Variants in ADAMTS17 observed in about 807,000 individuals in gnomAD.
ADAMTS17 encodes the protein ADAM metallopeptidase with thrombospondin type 1 motif 17, also known as A disintegrin and metalloproteinase with thrombospondin motifs 17.
ADAMTS17 carries 113 observed loss-of-function variants against 141.5 expected under a neutral mutation model. That is an observed-to-expected ratio of 0.80 (90% CI 0.69 to 0.93). The LOEUF (loss-of-function observed/expected upper bound fraction) is 0.93, where lower values mean the gene tolerates loss of function less well. Ranked by LOEUF, ADAMTS17 falls within the 40% of genes least tolerant of loss-of-function variation. ADAMTS17 has a pLI of 0.00. For missense variants in ADAMTS17, 1,659 were observed against 1,517.9 expected (o/e 1.09, Z -1.54); for synonymous variants, 768 against 630.6 (o/e 1.22, Z -3.27).
At chr15:100,281,785 G>A (rs527782971) in intron 3 of ADAMTS17, among the ~76,000 whole-genome samples, 22 of 152,318 alleles carry the variant, frequency 1.4e-4, no homozygotes, top group African/African-American at 5.1e-4. Context: ...CACACCCAAG[G>A]TGGATAACTG....
chr15:100,101,443 G>C lies in ADAMTS17; in HGVS notation c.2017-4967C>G, dbSNP rs138674171. Among the ~76,000 whole-genome samples, 40 of 152,324 alleles carry C rather than the reference G, an allele frequency of 2.6e-4. No homozygotes were observed. The East Asian group carries it at 7.5e-3, about 29-fold the overall frequency. On this transcript the variant is annotated intron_variant, in intron 14 of 21. Transcript: ENST00000268070. ...TGTGATCAACAAATACCTGATGCAG[G>C]AATAAACGAAATTCCACCCTATGGG...
chr15:100,124,732 A>C (rs1377517582), intron 12 of ADAMTS17, among the ~76,000 whole-genome samples: 2 of 147,100 alleles, frequency 1.4e-5, no homozygotes, highest in Non-Finnish European at 3.0e-5. Context: ...GTTTAAAAAT[A>C]AGCAAAAGAG....
At chr15:99,988,915 T>C (rs1399102886) in intron 20 of ADAMTS17, among the ~76,000 whole-genome samples, 1 of 152,210 alleles carries the variant, frequency 6.6e-6, no homozygotes, top group African/African-American at 2.4e-5. Flanking sequence ...TTCCCATTCA[T>C]GTTTTGGTTG....
At chr15:100,137,576 C>G (rs2038400091) in intron 10 of ADAMTS17, among the ~76,000 whole-genome samples, 1 of 152,142 alleles carries the variant, frequency 6.6e-6, no homozygotes, top group African/African-American at 2.4e-5. Context: ...GAATAGCAGA[C>G]TTTGTGGCAG....
In ADAMTS17 at chr15:99,971,640, A is replaced by T. The variant is rs773361337; in HGVS notation, c.*2762T>A. On this transcript the variant is annotated 3_prime_UTR_variant, in exon 22 of 22. Transcript: ENST00000268070. ...AACGAATGGAAAATAGATACATTTG[A>T]CTCTGAAACGAAAAAAGGACAATCG... The T allele has an allele frequency of 1.3e-5, 2 of 152,116 alleles. No homozygotes were observed. Among genetic ancestry groups the T allele is most frequent in the African/African-American group, 2.4e-5 (1 of 41,416 alleles). 9.4% of individuals were successfully genotyped at this position (152,116 alleles called of 1,614,324 possible). A position where few individuals can be genotyped will look rare whatever the true frequency, so the allele number is the denominator to read the frequency against.
chr15:100,257,891 AC>A (rs1268342811), intron 6 of ADAMTS17, among the ~76,000 whole-genome samples: 1 of 152,162 alleles, frequency 6.6e-6, no homozygotes, highest in Non-Finnish European at 1.5e-5. Flanking sequence ...GAAACTCTGT[AC>A]CCATGAAATA....
At chr15:100,294,153 G>A (rs753688948) in intron 3 of ADAMTS17, among the ~76,000 whole-genome samples, 29 of 152,258 alleles carry the variant, frequency 1.9e-4, no homozygotes, top group Non-Finnish European at 4.1e-4. Flanking sequence ...CATGCCACTC[G>A]TCTTATTTCT....
chr15:100,033,790 T>C (rs2030426892), intron 18 of ADAMTS17, among the ~76,000 whole-genome samples: 1 of 152,228 alleles, frequency 6.6e-6, no homozygotes. Flanking sequence ...TTTTGGGAGC[T>C]ACTCCACATT....
At chr15:100,137,294 C>G (rs2038384153) in intron 10 of ADAMTS17, among the ~76,000 whole-genome samples, 1 of 152,168 alleles carries the variant, frequency 6.6e-6, no homozygotes, top group South Asian at 2.1e-4. Flanking sequence ...AGAAGGTGCA[C>G]TGGGGTGGGA....
chr15:100,073,644 T>C (rs1170026435), intron 15 of ADAMTS17, among the ~76,000 whole-genome samples: 2 of 151,640 alleles, frequency 1.3e-5, no homozygotes, highest in African/African-American at 4.9e-5. Flanking sequence ...ACCATCATTC[T>C]CAACAAACTA....
chr15:100,203,545 A>T (rs896492041), intron 7 of ADAMTS17, among the ~76,000 whole-genome samples: 2 of 152,172 alleles, frequency 1.3e-5, no homozygotes, highest in African/African-American at 4.8e-5. Flanking sequence ...CTCTACTAAA[A>T]ATACAAAAAA....
chr15:100,200,564 C>T (rs938303828), intron 7 of ADAMTS17, among the ~76,000 whole-genome samples: 4 of 152,184 alleles, frequency 2.6e-5, no homozygotes, highest in Non-Finnish European at 4.4e-5. Context: ...CGTTTAACCC[C>T]GAAGGCAGTT....
chr15:100,319,063 G>T (rs2045650118), intron 3 of ADAMTS17, among the ~76,000 whole-genome samples: 1 of 152,266 alleles, frequency 6.6e-6, no homozygotes, highest in African/African-American at 2.4e-5. Flanking sequence ...ACTTGTGGAA[G>T]AGCCCTGGGG....
chr15:100,004,130 G>A (rs60495307), intron 18 of ADAMTS17, among the ~76,000 whole-genome samples: 2 of 152,256 alleles, frequency 1.3e-5, no homozygotes, highest in Non-Finnish European at 2.9e-5. Flanking sequence ...GCAGGCAGCC[G>A]AAGGGGAGAG....
chr15:99,980,950 T>G (rs1480513461), intron 20 of ADAMTS17, among the ~76,000 whole-genome samples: 2 of 152,214 alleles, frequency 1.3e-5, no homozygotes, highest in African/African-American at 4.8e-5. Flanking sequence ...TGCCTGCTCT[T>G]CCCAGTGGAC....
intron 7 of ADAMTS17, among the ~76,000 whole-genome samples, chr15:100,229,158 C>T (rs557845764): frequency 6.6e-6 from 1 of 152,280 alleles, no homozygotes; most frequent in African/African-American, 2.4e-5. Flanking sequence ...TAGCTCACCA[C>T]TGACACTGCA....
At chr15:100,003,379 C>T (rs1254611919) in intron 18 of ADAMTS17, among the ~76,000 whole-genome samples, 1 of 152,010 alleles carries the variant, frequency 6.6e-6, no homozygotes, top group Non-Finnish European at 1.5e-5. Flanking sequence ...GCTGTGGGGG[C>T]CCAGGGAGGC....
intron 7 of ADAMTS17, among the ~76,000 whole-genome samples, chr15:100,252,476 G>A (rs553551907): frequency 1.8e-4 from 28 of 152,302 alleles, no homozygotes; most frequent in African/African-American, 6.0e-4. Flanking sequence ...ATGTCTCCAC[G>A]GGGCAAGCCA....
At chr15:99,976,336 G>C in intron 20 of ADAMTS17, 114 bp from the exon 21 acceptor site, 1 of 1,345,846 alleles carries the variant, frequency 7.4e-7, no homozygotes, top group South Asian at 1.3e-5. Context: ...CCTACACGAG[G>C]TCAGGGGGCT....
Sources: allele counts gnomAD v4.1 joint callset (sites outside exome capture counted in the v4.1 genomes callset), GRCh38; gene constraint gnomAD v4.1.1; transcripts MANE v1.5; gene names NCBI Gene and HGNC (gene_info 2026-07-23, HGNC 2026-07-21).